The following NUDT2 variants were observed in gnomAD, a reference collection of about 807,000 sequenced individuals.
NUDT2 encodes bis(5'-nucleosyl)-tetraphosphatase [asymmetrical].
Under a neutral mutation model 14.2 loss-of-function variants are expected in NUDT2, and 12 were observed. That is an observed-to-expected ratio of 0.84 (90% confidence interval 0.54 to 1.37). The LOEUF (loss-of-function observed/expected upper bound fraction) is 1.37. Among genes scored for constraint, NUDT2 ranks in the 40% most tolerant of loss-of-function variants. The pLI is 0.00. For missense variants in NUDT2, 167 were observed against 176.7 expected (o/e 0.95, Z 0.31); for synonymous variants, 67 against 67.4 (o/e 0.99, Z 0.03).
intron 1 of NUDT2, among the ~76,000 whole-genome samples, chr9:34,334,814 A>C (rs766201021): frequency 1.3e-5 from 2 of 152,210 alleles, no homozygotes; most frequent in Non-Finnish European, 2.9e-5. Context: ...GTACTGTGTC[A>C]GTTTAGCTAA....
intron 3 of NUDT2, 25 bp from the exon 4 acceptor site, chr9:34,338,999 A>G (rs749851057): frequency 1.3e-6 from 2 of 1,587,056 alleles, no homozygotes; most frequent in East Asian, 4.5e-5. Context: ...GTAACTTCCC[A>G]ATATTCTGTA....
chr9:34,333,854 C>T (rs1412745301), intron 1 of NUDT2, among the ~76,000 whole-genome samples: 3 of 152,204 alleles, frequency 2.0e-5, no homozygotes, highest in Admixed American at 1.3e-4. Flanking sequence ...CAGCTATGCC[C>T]TTATGCAAGT....
intron 4 of NUDT2, 44 bp from the exon 5 acceptor site, chr9:34,343,080 T>C: frequency 1.3e-6 from 2 of 1,525,800 alleles, no homozygotes; most frequent in Non-Finnish European, 1.8e-6. Flanking sequence ...TTGGGAACTT[T>C]GGAAGATTTC....
At chr9:34,330,569 GA>G (rs1250998698) in intron 1 of NUDT2, among the ~76,000 whole-genome samples, 21 of 152,236 alleles carry the variant, frequency 1.4e-4, no homozygotes, top group African/African-American at 5.1e-4. Context: ...CTACTCTTCT[GA>G]AAAATGGCAG....
intron 1 of NUDT2, among the ~76,000 whole-genome samples, chr9:34,334,257 C>T (rs1838028978): frequency 6.6e-6 from 1 of 152,136 alleles, no homozygotes; most frequent in Admixed American, 6.5e-5. Flanking sequence ...TGGAGAAAGC[C>T]GAGAATATTT....
intron 4 of NUDT2, among the ~76,000 whole-genome samples, chr9:34,340,520 C>T (rs926149542): frequency 9.2e-5 from 14 of 152,202 alleles, no homozygotes; most frequent in Non-Finnish European, 1.9e-4. Context: ...AGGGTGGAGT[C>T]GGGCAAGTCT....
At chr9:34,330,016 A>G (rs1204456382) in intron 1 of NUDT2, among the ~76,000 whole-genome samples, 1 of 152,242 alleles carries the variant, frequency 6.6e-6, no homozygotes, top group Non-Finnish European at 1.5e-5. Context: ...TGCTTCAGTT[A>G]TTGAATGGAT....
At chr9:34,330,255 G>A (rs552774324) in intron 1 of NUDT2, among the ~76,000 whole-genome samples, 133 of 152,046 alleles carry the variant, frequency 8.7e-4, no homozygotes, top group African/African-American at 3.0e-3. Context: ...AAATACAAAA[G>A]TTAGCCAGGC....
intron 4 of NUDT2, among the ~76,000 whole-genome samples, chr9:34,342,160 A>G (rs1391836155): frequency 6.6e-6 from 1 of 152,232 alleles, no homozygotes; most frequent in Non-Finnish European, 1.5e-5. Context: ...AGTGGTTCTC[A>G]GCTGGCCCTT....
chr9:34,337,609 T>C (rs1203297491), intron 2 of NUDT2, among the ~76,000 whole-genome samples: 1 of 152,210 alleles, frequency 6.6e-6, no homozygotes, highest in Non-Finnish European at 1.5e-5. Flanking sequence ...TTACCATCTG[T>C]TGGCAGTCTT....
intron 1 of NUDT2, among the ~76,000 whole-genome samples, chr9:34,332,689 C>T (rs1313919314): frequency 6.6e-6 from 1 of 152,190 alleles, no homozygotes; most frequent in African/African-American, 2.4e-5. Context: ...TGTTTCCTCC[C>T]TCAGCCAATA....
In NUDT2 at chr9:34,343,179, G is replaced by C; in HGVS notation, c.183G>C (p.Glu61Asp). The C allele has an allele frequency of 6.2e-7, 1 of 1,614,104 alleles. No individual in the cohort carries two copies. The highest frequency in any genetic ancestry group is 2.2e-5 in the East Asian group (1 of 44,876). Residue 61 changes from glutamate to aspartate, a missense_variant, in exon 5 of 5, where the codon GAG becomes GAC. Glu to Asp is a conservative substitution (Grantham distance 45). Coordinates refer to ENST00000379158, the MANE Select transcript of NUDT2 (RefSeq NM_001161.5). ...AAACAGCCCTGAGGGAGACCCAAGA[G>C]GAAGCAGGCATAGAAGCAGGCCAGC... The part of the protein sequence containing the change: ...DLETALRETQ[E>D]EAGIEAGQLT...
chr9:34,338,150 G>GTT (rs1838138308), intron 2 of NUDT2, among the ~76,000 whole-genome samples: 1 of 48,036 alleles, frequency 2.1e-5, no homozygotes, highest in South Asian at 7.1e-4. Flanking sequence ...GTAAGTCCCT[G>GTT]TTTCTTAAAA....
chr9:34,340,796 C>T (rs375051060), intron 4 of NUDT2, among the ~76,000 whole-genome samples: 2 of 152,298 alleles, frequency 1.3e-5, no homozygotes, highest in African/African-American at 2.4e-5. Flanking sequence ...AGGAATAGCC[C>T]TCAGACAGAA....
intron 1 of NUDT2, among the ~76,000 whole-genome samples, chr9:34,333,381 C>T (rs1000272276): frequency 6.6e-6 from 1 of 152,050 alleles, no homozygotes; most frequent in African/African-American, 2.4e-5. Context: ...AATCCCAGCA[C>T]TTTGGGAGGC....
intron 1 of NUDT2, among the ~76,000 whole-genome samples, chr9:34,335,377 A>T (rs1237457268): frequency 6.6e-6 from 1 of 152,220 alleles, no homozygotes; most frequent in African/African-American, 2.4e-5. Flanking sequence ...TTTATCCACC[A>T]ACTTCCAAAG....
chr9:34,341,458 A>G (rs981399274), intron 4 of NUDT2, among the ~76,000 whole-genome samples: 3 of 152,190 alleles, frequency 2.0e-5, no homozygotes, highest in South Asian at 2.1e-4. Context: ...GTGCAGAGAA[A>G]ATTCCCCAGA....
At chr9:34,338,961 C>G (rs1024849847) in intron 3 of NUDT2, 63 bp from the exon 4 acceptor site, 17 of 1,406,804 alleles carry the variant, frequency 1.2e-5, no homozygotes, top group Non-Finnish European at 1.6e-5. Flanking sequence ...CAGATTGCTA[C>G]CCCCCAGTAT....
intron 4 of NUDT2, 94 bp downstream of exon 4, chr9:34,339,260 C>A: frequency 6.7e-7 from 1 of 1,485,786 alleles, no homozygotes; most frequent in Non-Finnish European, 9.2e-7. Context: ...TTCCCAGTGA[C>A]TGTGTAGCAA....
Sources: gnomAD v4.1 joint callset for allele counts (sites outside exome capture counted in the v4.1 genomes callset) on GRCh38, gnomAD v4.1.1 for gene constraint, MANE v1.5 for transcripts, NCBI Gene and HGNC (gene_info 2026-07-23, HGNC 2026-07-21) for gene names.